Variants in CMIP observed in about 807,000 individuals in gnomAD.
CMIP encodes the protein c-Maf inducing protein.
Under a neutral mutation model 97.3 loss-of-function variants are expected in CMIP, and 13 were observed. The ratio of observed to expected loss-of-function variants is 0.13; its 90% confidence interval spans 0.09 to 0.21. The LOEUF is 0.21. Ranked by LOEUF, CMIP falls within the 10% of genes least tolerant of loss-of-function variation. The pLI, the probability that CMIP is intolerant of heterozygous loss-of-function variation, is 1.00. For synonymous variants in CMIP, 538 were observed against 436.3 expected (o/e 1.23, Z -2.91); for missense variants, 847 against 1,024.9 (o/e 0.83, Z 2.37).
intron 1 of CMIP, among the ~76,000 whole-genome samples, chr16:81,477,719 C>T (rs769176681): frequency 3.9e-5 from 6 of 152,180 alleles, no homozygotes; most frequent in Non-Finnish European, 7.4e-5. Context: ...TGAGGGTTGC[C>T]GTGGCTGGCC....
chr16:81,528,917 T>A (rs1446126549), intron 1 of CMIP, among the ~76,000 whole-genome samples: 1 of 152,108 alleles, frequency 6.6e-6, no homozygotes, highest in Non-Finnish European at 1.5e-5. Context: ...TCTCCTCTCC[T>A]TCAGTTTGTT....
intron 2 of CMIP, chr16:81,620,089 C>G (rs992019548): frequency 6.6e-6 from 1 of 152,212 alleles, no homozygotes; most frequent in African/African-American, 2.4e-5. Flanking sequence ...GTTCTAGATG[C>G]TCTACAAGAA....
At chr16:81,517,890 A>G (rs987215598) in intron 1 of CMIP, 3 of 978,414 alleles carry the variant, frequency 3.1e-6, no homozygotes, top group Non-Finnish European at 3.6e-6. Flanking sequence ...GGCTGCAGAC[A>G]TCTCTTTTCA....
intron 1 of CMIP, among the ~76,000 whole-genome samples, chr16:81,493,432 C>G (rs974224697): frequency 6.8e-6 from 1 of 147,650 alleles, no homozygotes; most frequent in East Asian, 2.1e-4. Context: ...CGCCCACTTC[C>G]TCAAGTCTTT....
chr16:81,688,804 C>T (rs1006470887), intron 10 of CMIP, among the ~76,000 whole-genome samples: 9 of 152,126 alleles, frequency 5.9e-5, no homozygotes, highest in Non-Finnish European at 1.0e-4. Context: ...GCTATCCCTC[C>T]CTCCTCCCCC....
At chr16:81,549,604 G>A (rs1021247302) in intron 1 of CMIP, among the ~76,000 whole-genome samples, 2 of 152,172 alleles carry the variant, frequency 1.3e-5, no homozygotes, top group Non-Finnish European at 2.9e-5. Flanking sequence ...GGTCCTGAGA[G>A]GCGGGGCTGA....
At chr16:81,675,005 C>T (rs1285387398) in intron 9 of CMIP, among the ~76,000 whole-genome samples, 1 of 152,194 alleles carries the variant, frequency 6.6e-6, no homozygotes, top group African/African-American at 2.4e-5. Context: ...GCCCAGGACC[C>T]TCCCAGTGCC....
Position 81,670,196 on chromosome 16 carries a change from T to G in CMIP, c.880T>G (p.Leu294Val). 6.2e-7 allele frequency: 1 copy of G among 1,611,902 alleles called. No individual in the cohort carries two copies. Among genetic ancestry groups the G allele is most frequent in the Non-Finnish European group, 8.5e-7 (1 of 1,179,174 alleles). Residue 294 changes from leucine (L) to valine (V), a missense_variant, in exon 8 of 21, where the codon TTG becomes GTG. Transcript: ENST00000537098. Reference protein sequence around the residue: ...RLFTQEYILALNELNAGMEVV... With the variant: ...RLFTQEYILAVNELNAGMEVV... ...GTTTACTCAGGAGTACATCCTTGCC[T>G]TGAACGAGCTCAACGCGGGGATGGA...
At chr16:81,670,115 G>T in intron 7 of CMIP, 27 bp from the exon 8 acceptor site, 2 of 1,590,664 alleles carry the variant, frequency 1.3e-6, no homozygotes, top group Non-Finnish European at 1.7e-6. Flanking sequence ...GCACCGTCCC[G>T]ACTCCTGTCC....
rs79474801 is a variant in CMIP, at chr16:81,450,159, G to T, written c.300+4618G>T. On this transcript the variant is annotated intron_variant, in intron 1 of 20. Coordinates refer to ENST00000537098, the MANE Select transcript of CMIP (RefSeq NM_198390.3). ...CTGGTAGAAGGCAAAGCTGTCCCAG[G>T]GTACCTCAACTGCTGCCAGCCAGGA... Among the ~76,000 whole-genome samples the T allele has an allele frequency of 1.2e-3, 182 of 152,280 alleles. 10 individuals are homozygous for T. The East Asian group carries it at 0.033, about 27-fold the overall frequency.
intron 1 of CMIP, among the ~76,000 whole-genome samples, chr16:81,459,159 T>A (rs1210182410): frequency 2.0e-5 from 3 of 152,166 alleles, no homozygotes; most frequent in Non-Finnish European, 4.4e-5. Context: ...TGCAGGACTG[T>A]GAGCTTGAAG....
chr16:81,480,978 C>T (rs180745468), intron 1 of CMIP, among the ~76,000 whole-genome samples: 66 of 152,298 alleles, frequency 4.3e-4, no homozygotes, highest in Non-Finnish European at 7.3e-4. Flanking sequence ...GCTTTGACAT[C>T]GGTGAGAGCT....
intron 1 of CMIP, among the ~76,000 whole-genome samples, chr16:81,555,272 C>A (rs1265023515): frequency 6.6e-6 from 1 of 152,160 alleles, no homozygotes; most frequent in Non-Finnish European, 1.5e-5. Flanking sequence ...GAGATAGATA[C>A]CTCCAGTTGC....
intron 1 of CMIP, among the ~76,000 whole-genome samples, chr16:81,514,151 C>G (rs1249176601): frequency 1.3e-5 from 2 of 152,198 alleles, no homozygotes; most frequent in African/African-American, 4.8e-5. Context: ...ATAGAAGAGA[C>G]TAGAATCCGG....
At chr16:81,505,756 C>T (rs1362289852) in intron 1 of CMIP, among the ~76,000 whole-genome samples, 2 of 152,080 alleles carry the variant, frequency 1.3e-5, no homozygotes, top group Non-Finnish European at 2.9e-5. Context: ...TTTGGGAGGC[C>T]AAGGCAGGTG....
intron 6 of CMIP, among the ~76,000 whole-genome samples, chr16:81,662,401 A>G (rs1385041215): frequency 2.0e-5 from 3 of 152,200 alleles, no homozygotes; most frequent in Admixed American, 6.5e-5. Flanking sequence ...GGGATGAGGT[A>G]GAAAAAGGTA....
chr16:81,533,981 G>C (rs1289181500), intron 1 of CMIP: 1 of 152,288 alleles, frequency 6.6e-6, no homozygotes, highest in African/African-American at 2.4e-5. Context: ...GCAGAGATGA[G>C]CATTTTCTTC....
chr16:81,505,949 T>G (rs1239470165), intron 1 of CMIP, among the ~76,000 whole-genome samples: 1 of 152,200 alleles, frequency 6.6e-6, no homozygotes, highest in Non-Finnish European at 1.5e-5. Flanking sequence ...GAGCCTAGAT[T>G]GTGCCATTGC....
intron 6 of CMIP, among the ~76,000 whole-genome samples, chr16:81,661,246 GTTA>G (rs1455052135): frequency 2.6e-5 from 4 of 152,338 alleles, no homozygotes; most frequent in Admixed American, 1.3e-4. Flanking sequence ...TCAGAGCTGG[GTTA>G]TTATTAGCCA....
Sources: gnomAD v4.1 joint callset for allele counts (sites outside exome capture counted in the v4.1 genomes callset) on GRCh38, gnomAD v4.1.1 for gene constraint, MANE v1.5 for transcripts, NCBI Gene and HGNC (gene_info 2026-07-23, HGNC 2026-07-21) for gene names.